KLF12: variants seen among roughly 807,000 people sequenced by gnomAD.
The protein encoded by KLF12 is KLF transcription factor 12.
Under a neutral mutation model 37.8 loss-of-function variants are expected in KLF12, and 9 were observed. That is an observed-to-expected ratio of 0.24 (90% confidence interval 0.14 to 0.42). KLF12 has a LOEUF of 0.42. Among genes scored for constraint, KLF12 ranks in the 10% least tolerant of loss-of-function variants. KLF12 has a pLI of 1.00. For missense variants in KLF12, 411 were observed against 516.0 expected (o/e 0.80, Z 1.97); for synonymous variants, 208 against 202.1 (o/e 1.03, Z -0.25).
At position 73,813,178 on chromosome 13, in the gene KLF12, G is replaced by A; in HGVS notation, c.780C>T (p.Ala260=). The stretch of plus-strand genomic sequence containing the variant: ...CTTGTACTGCTCTGGCTATGGAAAG[G>A]GCCGTAGATCCAGTTTCATTAACGC... The change falls in exon 5 of 8, where the codon GCC becomes GCT. Residue 260 remains alanine (A), a synonymous_variant. Transcript: ENST00000377669. 5 of 1,613,918 alleles carry A rather than the reference G, an allele frequency of 3.1e-6. No homozygotes were observed. The highest frequency in any genetic ancestry group is 1.7e-5 in the Admixed American group (1 of 59,996).
At position 73,922,181 on chromosome 13, in the gene KLF12, A is replaced by G. The variant is rs193155777; in HGVS notation, c.123+21800T>C. Among the ~76,000 whole-genome samples the G allele has an allele frequency of 1.6e-4, 25 of 152,276 alleles. No individual in the cohort carries two copies. The East Asian group carries it at 4.6e-3, about 28-fold the overall frequency. On this transcript the variant is annotated intron_variant, in intron 3 of 7. Coordinates refer to ENST00000377669, the MANE Select transcript of KLF12 (RefSeq NM_007249.5). ...ATTACCTTCAAGGAGTAAAACCTTC[A>G]TATTTTCTTTACACTGAAAATTACT...
At chr13:74,131,306 G>C (rs1173489449) in intron 1 of KLF12, among the ~76,000 whole-genome samples, 1 of 152,144 alleles carries the variant, frequency 6.6e-6, no homozygotes, top group Non-Finnish European at 1.5e-5. Flanking sequence ...ACCAGAACAC[G>C]ATGGATATTA....
At chr13:73,892,573 C>T (rs1239825558) in intron 3 of KLF12, among the ~76,000 whole-genome samples, 1 of 152,076 alleles carries the variant, frequency 6.6e-6, no homozygotes, top group East Asian at 1.9e-4. Context: ...TCTTATTTTG[C>T]TTAAGGTTGA....
intron 3 of KLF12, among the ~76,000 whole-genome samples, chr13:73,936,756 C>A (rs1889951637): frequency 6.6e-6 from 1 of 152,136 alleles, no homozygotes; most frequent in Admixed American, 6.5e-5. Context: ...TTTCTGCTCT[C>A]CTCTCAAGGA....
intron 4 of KLF12, among the ~76,000 whole-genome samples, chr13:73,841,296 T>C (rs17061552): frequency 0.2 from 30,820 of 152,124 alleles, 3,840 homozygotes; most frequent in East Asian, 0.5. Flanking sequence ...TGACCCTCTA[T>C]GCCAGGGGTG....
chr13:74,283,573 G>T, the KLF12 span, among the ~76,000 whole-genome samples: 11 of 152,144 alleles, frequency 7.2e-5, no homozygotes, highest in Admixed American at 5.9e-4. Flanking sequence ...GAAACAGTAT[G>T]CACTAGTGGG....
At chr13:73,862,998 G>C (rs1201426093) in intron 3 of KLF12, among the ~76,000 whole-genome samples, 2 of 152,100 alleles carry the variant, frequency 1.3e-5, no homozygotes, top group African/African-American at 4.8e-5. Flanking sequence ...TCATAGACAG[G>C]ATCACAGTAC....
At chr13:74,008,160 T>C (rs1348338186) in intron 1 of KLF12, among the ~76,000 whole-genome samples, 1 of 152,232 alleles carries the variant, frequency 6.6e-6, no homozygotes, top group Non-Finnish European at 1.5e-5. Flanking sequence ...ATACAATTTT[T>C]GCACTTTTTA....
chr13:74,172,693 T>C, the KLF12 span, among the ~76,000 whole-genome samples: 1 of 152,216 alleles, frequency 6.6e-6, no homozygotes, highest in Non-Finnish European at 1.5e-5. Flanking sequence ...TGTGTTTCAT[T>C]GGCCAGAATG....
At chr13:74,166,716 G>A in the KLF12 span, among the ~76,000 whole-genome samples, 1 of 151,980 alleles carries the variant, frequency 6.6e-6, no homozygotes, top group South Asian at 2.1e-4. Context: ...ACTAGACTAT[G>A]ACTCAACCTC....
intron 3 of KLF12, among the ~76,000 whole-genome samples, chr13:73,940,963 A>G (rs139872930): frequency 4.1e-4 from 62 of 152,360 alleles, no homozygotes; most frequent in African/African-American, 1.5e-3. Flanking sequence ...TCTAACACGC[A>G]GCAGAGAACA....
At chr13:73,820,675 T>C (rs1015775024) in intron 4 of KLF12, among the ~76,000 whole-genome samples, 1 of 152,074 alleles carries the variant, frequency 6.6e-6, no homozygotes, top group Non-Finnish European at 1.5e-5. Context: ...AGATATAATA[T>C]GCAATTTACT....
At chr13:73,706,341 T>A (rs1179782860) in intron 7 of KLF12, among the ~76,000 whole-genome samples, 1 of 152,236 alleles carries the variant, frequency 6.6e-6, no homozygotes, top group African/African-American at 2.4e-5. Flanking sequence ...AACTTATTTT[T>A]AATTGATAGG....
intron 4 of KLF12, among the ~76,000 whole-genome samples, chr13:73,843,642 T>C (rs1274538607): frequency 1.3e-5 from 2 of 152,130 alleles, no homozygotes; most frequent in Non-Finnish European, 1.5e-5. Context: ...AATAATCTTC[T>C]AGGCTAGATC....
chr13:74,102,835 C>T (rs1035743285), intron 1 of KLF12, among the ~76,000 whole-genome samples: 3 of 152,178 alleles, frequency 2.0e-5, no homozygotes, highest in Non-Finnish European at 2.9e-5. Context: ...TATGAAAAGA[C>T]GTCACCACTG....
At chr13:73,861,729 A>C (rs1453118961) in intron 3 of KLF12, among the ~76,000 whole-genome samples, 1 of 151,932 alleles carries the variant, frequency 6.6e-6, no homozygotes, top group African/African-American at 2.4e-5. Flanking sequence ...TAACTCTTCC[A>C]TATGTGTTAA....
intron 6 of KLF12, among the ~76,000 whole-genome samples, chr13:73,747,843 ATTCT>A (rs1244893680): frequency 2.6e-5 from 4 of 152,216 alleles, no homozygotes; most frequent in African/African-American, 4.8e-5. Flanking sequence ...TCCCTACTCT[ATTCT>A]TTCTCTTTTC....
At chr13:74,249,011 A>C in the KLF12 span, among the ~76,000 whole-genome samples, 1 of 152,104 alleles carries the variant, frequency 6.6e-6, no homozygotes, top group African/African-American at 2.4e-5. Flanking sequence ...TGAATTGGAA[A>C]GATGGGAAGT....
At chr13:74,262,960 A>G in the KLF12 span, among the ~76,000 whole-genome samples, 1 of 152,128 alleles carries the variant, frequency 6.6e-6, no homozygotes, top group Non-Finnish European at 1.5e-5. Flanking sequence ...AATATTTTTA[A>G]AAGGTTGAAA....
Sources: gnomAD v4.1 joint callset for allele counts (sites outside exome capture counted in the v4.1 genomes callset) on GRCh38, gnomAD v4.1.1 for gene constraint, MANE v1.5 for transcripts, NCBI Gene and HGNC (gene_info 2026-07-23, HGNC 2026-07-21) for gene names.